NSD1: variants seen among roughly 807,000 people sequenced by gnomAD.
NSD1 encodes the protein nuclear receptor binding SET domain protein 1.
A neutral mutation model predicts 242.7 loss-of-function variants in NSD1; 26 were observed. That is an observed-to-expected ratio of 0.11 (90% CI 0.08 to 0.15). The LOEUF is 0.15. Ranked by LOEUF, NSD1 falls within the 10% of genes least tolerant of loss-of-function variation. The probability of loss-of-function intolerance (pLI) is 1.00; values close to 1 mark genes in which losing one functional copy is unlikely to be tolerated. For missense variants in NSD1, 2,495 were observed against 3,272.8 expected (o/e 0.76, Z 5.80); for synonymous variants, 1,106 against 1,178.1 (o/e 0.94, Z 1.25).
Position 177,135,109 on chromosome 5 carries a change from T to G in NSD1, c.6T>G (p.Asp2Glu), listed in dbSNP as rs774217599. M[D>E]QTCELPRRNC... ...CAGGTTGATGCCGGCCCAGGATGGA[T>G]CAGACCTGTGAACTACCCAGAAGAA... is the stretch of plus-strand genomic sequence containing the variant. Residue 2 changes from aspartate to glutamate, a missense_variant, in exon 2 of 23, where the codon GAT (aspartate) becomes GAG (glutamate). Asp to Glu is a conservative substitution (Grantham distance 45, BLOSUM62 2). Around this residue, in one of 19 missense-constraint regions of NSD1, gnomAD observed 376 missense variants for 367.4 expected, o/e 1.02. Coordinates refer to ENST00000439151, the MANE Select transcript of NSD1 (RefSeq NM_022455.5). 3 of 1,614,166 alleles carry G rather than the reference T, an allele frequency of 1.9e-6. No individual in the cohort carries two copies. The highest frequency in any genetic ancestry group is 2.5e-6 in the Non-Finnish European group (3 of 1,180,028).
intron 2 of NSD1, among the ~76,000 whole-genome samples, chr5:177,145,637 G>A (rs1464467198): frequency 1.3e-5 from 2 of 152,140 alleles, no homozygotes; most frequent in African/African-American, 4.8e-5. Flanking sequence ...GCCAGGCTGG[G>A]CGTGGTGGCT....
intron 5 of NSD1, among the ~76,000 whole-genome samples, chr5:177,228,623 C>T (rs1174864581): frequency 6.6e-6 from 1 of 151,752 alleles, no homozygotes; most frequent in East Asian, 1.9e-4. Context: ...CTAGGAAAGT[C>T]GAGGTATAAA....
At chr5:177,240,137 C>G (rs1765738921) in intron 8 of NSD1, among the ~76,000 whole-genome samples, 1 of 152,082 alleles carries the variant, frequency 6.6e-6, no homozygotes, top group Admixed American at 6.6e-5. Flanking sequence ...GTTATAATTT[C>G]TTTTCTGGGT....
chr5:177,154,991 C>T (rs905406981), intron 2 of NSD1, among the ~76,000 whole-genome samples: 4 of 145,578 alleles, frequency 2.7e-5, no homozygotes, highest in East Asian at 2.1e-4. Context: ...GCACCGTGCC[C>T]GGCAATTTTT....
At chr5:177,201,036 C>T (rs182988448) in intron 3 of NSD1, among the ~76,000 whole-genome samples, 217 of 150,978 alleles carry the variant, frequency 1.4e-3, no homozygotes, top group Non-Finnish European at 2.5e-3. Flanking sequence ...AGGTGCATAC[C>T]ACCACACCTG....
chr5:177,207,530 C>T (rs950794533), intron 4 of NSD1, among the ~76,000 whole-genome samples: 6 of 151,148 alleles, frequency 4.0e-5, no homozygotes, highest in African/African-American at 1.5e-4. Context: ...GATCTGCCCA[C>T]CTCAGCCTCC....
chr5:177,296,495 C>T lies in NSD1; in HGVS notation c.*1036C>T. 1 of 233,298 alleles carries T rather than the reference C, an allele frequency of 4.3e-6. No homozygotes were observed. 14.5% of individuals were successfully genotyped at this position (233,298 alleles called of 1,614,324 possible). The stretch of plus-strand genomic sequence containing the variant: ...AGCTCTGAGCTAGACACACCAGCTT[C>T]AGGAAGAGTACCAGATCCTGATGGG... On this transcript the variant is annotated 3_prime_UTR_variant, in exon 23 of 23. Coordinates refer to ENST00000439151, the MANE Select transcript of NSD1 (RefSeq NM_022455.5).
intron 3 of NSD1, among the ~76,000 whole-genome samples, chr5:177,197,624 AAAAT>A (rs1436033279): frequency 6.6e-6 from 1 of 152,230 alleles, no homozygotes; most frequent in Non-Finnish European, 1.5e-5. Context: ...TCCATCTCAA[AAAAT>A]AAATAAAACA....
At chr5:177,174,302 C>T (rs932045466) in intron 2 of NSD1, among the ~76,000 whole-genome samples, 1 of 152,112 alleles carries the variant, frequency 6.6e-6, no homozygotes, top group Non-Finnish European at 1.5e-5. Flanking sequence ...TGCAGTGAGC[C>T]GAGATCGCGC....
chr5:177,224,487 A>C (rs1226592503), intron 5 of NSD1, among the ~76,000 whole-genome samples: 1 of 151,888 alleles, frequency 6.6e-6, no homozygotes, highest in Non-Finnish European at 1.5e-5. Context: ...AATTTTGTAT[A>C]TTATTTTAAT....
At chr5:177,133,640 AGAAGGGAACGCGCGCGCTCGGTGGGG>A (rs1453496317), upstream of NSD1, 1 of 149,062 alleles carries the variant, frequency 6.7e-6, no homozygotes, top group Non-Finnish European at 1.5e-5. The surrounding 1 kb of genome is among the most constrained non-coding windows in gnomAD (Gnocchi z 6.2). Flanking sequence ...GAAGAGTGAG[AGAAGGGAACGCGCGCGCTCGGTGGGG>A]GAAGGGGTGC....
At chr5:177,159,281 TTTTG>T (rs888390748) in intron 2 of NSD1, among the ~76,000 whole-genome samples, 20 of 151,402 alleles carry the variant, frequency 1.3e-4, no homozygotes, top group African/African-American at 2.9e-4. Flanking sequence ...CAGTTTTTTT[TTTTG>T]TTTGTTTGTT....
intron 9 of NSD1, among the ~76,000 whole-genome samples, chr5:177,245,052 T>C (rs1277758957): frequency 6.6e-6 from 1 of 152,132 alleles, no homozygotes; most frequent in Non-Finnish European, 1.5e-5. Context: ...TGTCTCTATC[T>C]ACAGTTTAAA....
intron 2 of NSD1, among the ~76,000 whole-genome samples, chr5:177,177,729 T>G (rs1225255097): frequency 6.6e-6 from 1 of 152,112 alleles, no homozygotes; most frequent in East Asian, 1.9e-4. Flanking sequence ...TGGGAACTCT[T>G]TGTGCCAACC....
chr5:177,213,558 C>T lies in NSD1; in HGVS notation c.3796+1363C>T, dbSNP rs539514092. On this transcript the variant is annotated intron_variant, in intron 5 of 22. Coordinates refer to ENST00000439151, the MANE Select transcript of NSD1 (RefSeq NM_022455.5). The stretch of plus-strand genomic sequence containing the variant: ...TCTCGGCTCACTGCAGGCTCCGCCT[C>T]CCGGGTTCACGCCATTCTCCTGCCT... Among the ~76,000 whole-genome samples the T allele has an allele frequency of 1.2e-4, 18 of 152,292 alleles. 1 individual carries two copies. The South Asian group carries it at 3.3e-3, about 28-fold the overall frequency.
At chr5:177,144,529 G>A (rs1757078966) in intron 2 of NSD1, among the ~76,000 whole-genome samples, 2 of 152,040 alleles carry the variant, frequency 1.3e-5, no homozygotes, top group Non-Finnish European at 2.9e-5. Context: ...TTGTGCAATA[G>A]GATCAATAGC....
chr5:177,174,527 A>G (rs1413631696), intron 2 of NSD1, among the ~76,000 whole-genome samples: 4 of 149,686 alleles, frequency 2.7e-5, no homozygotes, highest in Non-Finnish European at 5.9e-5. Flanking sequence ...AAGTTATTAT[A>G]TAATCAATGC....
chr5:177,252,539 C>A, intron 12 of NSD1, among the ~76,000 whole-genome samples: 1 of 47,428 alleles, frequency 2.1e-5, no homozygotes, highest in South Asian at 1.1e-3. Flanking sequence ...GTAAAGTGTT[C>A]TTTTTTTTTT....
chr5:177,210,690 A>G lies in NSD1; in HGVS notation c.2291A>G (p.Glu764Gly), dbSNP rs1763267710. The G allele has an allele frequency of 2.5e-6, 4 of 1,614,240 alleles. No individual in the cohort carries two copies. Among genetic ancestry groups the G allele is most frequent in the Non-Finnish European group, 3.4e-6 (4 of 1,180,044 alleles). ...KFNLSSSISS[E>G]NSLIKGGAAN... Reference sequence around the variant, plus strand: ...AACCTGTCATCAAGCATATCCAGTGAGAACTCGTTAATAAAGGGTGGGGCA... The same window carrying G: ...AACCTGTCATCAAGCATATCCAGTGGGAACTCGTTAATAAAGGGTGGGGCA... Residue 764 changes from glutamate to glycine, a missense_variant, in exon 5 of 23, where the codon GAG becomes GGG. This residue lies in a region of NSD1 where 515 missense variants were observed against 467.0 expected (regional missense o/e 1.10). Transcript: ENST00000439151.
Sources: allele counts gnomAD v4.1 joint callset (sites outside exome capture counted in the v4.1 genomes callset), GRCh38; gene constraint gnomAD v4.1.1; regional missense constraint gnomAD v4.1.1; non-coding constraint Gnocchi (gnomAD v3.1); transcripts MANE v1.5; gene names NCBI Gene and HGNC (gene_info 2026-07-23, HGNC 2026-07-21).